Variants in SNTG2 observed in about 807,000 individuals in gnomAD.
The protein encoded by SNTG2 is gamma-2-syntrophin.
A neutral mutation model predicts 70.9 loss-of-function variants in SNTG2; 74 were observed. That is an observed-to-expected ratio of 1.04 (90% confidence interval 0.86 to 1.27). SNTG2 has a LOEUF of 1.27. Ranked by LOEUF, SNTG2 falls within the 50% of genes most tolerant of loss-of-function variation. The probability of loss-of-function intolerance (pLI) is 0.00; values close to 1 mark genes in which losing one functional copy is unlikely to be tolerated. For synonymous variants in SNTG2, 278 were observed against 273.8 expected, an observed-to-expected ratio of 1.02 and a Z score of -0.15; for missense variants, 717 against 690.7, an observed-to-expected ratio of 1.04 and a Z score of -0.43.
intron 1 of SNTG2, among the ~76,000 whole-genome samples, chr2:1,034,427 A>G (rs4971339): frequency 0.44 from 66,532 of 152,130 alleles, 15,652 homozygotes; most frequent in African/African-American, 0.61. Flanking sequence ...GCATGCATAC[A>G]TCTTTCTTTA....
At chr2:1,284,190 G>A (rs1034418683) in intron 14 of SNTG2, among the ~76,000 whole-genome samples, 5 of 152,184 alleles carry the variant, frequency 3.3e-5, no homozygotes, top group Non-Finnish European at 7.4e-5. Flanking sequence ...TGGTGGTAAT[G>A]TTTCTATTTC....
chr2:1,048,529 T>C (rs1435630240), intron 1 of SNTG2, among the ~76,000 whole-genome samples: 1 of 152,226 alleles, frequency 6.6e-6, no homozygotes, highest in Non-Finnish European at 1.5e-5. Context: ...TTGCACTTTG[T>C]ATATTGTATT....
chr2:1,101,116 A>G lies in SNTG2; in HGVS notation c.325+2706A>G, dbSNP rs549064286. On this transcript the variant is annotated intron_variant, in intron 4 of 16. Transcript: ENST00000308624. ...GCTTCACAAGTAACTCCAGTGTGGT[A>G]GCCCCAGTGGGAGGTCCCCACGCTC... 3.3e-5 allele frequency among the ~76,000 whole-genome samples: 5 copies of G among 152,324 alleles called. No homozygotes were observed. In the South Asian group the frequency reaches 1.0e-3, roughly 32 times the overall value.
intron 1 of SNTG2, among the ~76,000 whole-genome samples, chr2:998,994 G>C (rs1042857182): frequency 6.6e-6 from 1 of 152,070 alleles, no homozygotes; most frequent in Non-Finnish European, 1.5e-5. Context: ...TCTACTTTCA[G>C]GCTTCTTAAT....
At chr2:1,140,310 G>A (rs1258753179) in intron 6 of SNTG2, among the ~76,000 whole-genome samples, 1 of 152,222 alleles carries the variant, frequency 6.6e-6, no homozygotes, top group Non-Finnish European at 1.5e-5. Context: ...GTACATCTAT[G>A]CATTTTCATC....
chr2:968,725 T>C (rs1169584360), intron 1 of SNTG2, among the ~76,000 whole-genome samples: 1 of 152,212 alleles, frequency 6.6e-6, no homozygotes, highest in Non-Finnish European at 1.5e-5. Flanking sequence ...TATTTCTTTT[T>C]TGCTTATTGA....
At chr2:1,169,684 C>G (rs1670993339) in intron 7 of SNTG2, among the ~76,000 whole-genome samples, 2 of 152,160 alleles carry the variant, frequency 1.3e-5, no homozygotes, top group African/African-American at 4.8e-5. Flanking sequence ...TTGCCAGTCA[C>G]ATAGTGACTT....
chr2:1,366,676 G>T (rs1558236341), intron 16 of SNTG2, among the ~76,000 whole-genome samples: 1 of 152,142 alleles, frequency 6.6e-6, no homozygotes, highest in Non-Finnish European at 1.5e-5. Context: ...TTCCCGCCGT[G>T]CTGTGCACAC....
intron 7 of SNTG2, among the ~76,000 whole-genome samples, chr2:1,168,212 G>A (rs983209660): frequency 1.6e-4 from 18 of 114,318 alleles, no homozygotes; most frequent in African/African-American, 4.8e-4. Flanking sequence ...CAGAACTGAA[G>A]CCTACAGGCC....
chr2:1,091,721 T>C (rs1392244196), intron 2 of SNTG2, among the ~76,000 whole-genome samples: 1 of 152,216 alleles, frequency 6.6e-6, no homozygotes, highest in African/African-American at 2.4e-5. Flanking sequence ...TACTATGGAA[T>C]CATTGAATTT....
intron 2 of SNTG2, among the ~76,000 whole-genome samples, chr2:1,093,414 A>G (rs1465064315): frequency 6.6e-6 from 1 of 152,188 alleles, no homozygotes; most frequent in African/African-American, 2.4e-5. Flanking sequence ...GAGGCAGGAT[A>G]ACTTCAGCCA....
chr2:1,255,376 A>G (rs1677992126), intron 12 of SNTG2, among the ~76,000 whole-genome samples: 2 of 152,084 alleles, frequency 1.3e-5, no homozygotes, highest in Admixed American at 6.5e-5. Context: ...AAGAACACCA[A>G]TGTACCTATG....
At chr2:1,363,631 A>G (rs1661319370) in intron 16 of SNTG2, among the ~76,000 whole-genome samples, 1 of 152,230 alleles carries the variant, frequency 6.6e-6, no homozygotes, top group Non-Finnish European at 1.5e-5. Context: ...GGGTGTCCCC[A>G]GCTTAGAACT....
intron 16 of SNTG2, among the ~76,000 whole-genome samples, chr2:1,363,232 G>A (rs1453206738): frequency 2.6e-5 from 4 of 151,512 alleles, no homozygotes; most frequent in Non-Finnish European, 5.9e-5. Context: ...CTGCAACCTT[G>A]TGCAAAGACA....
At chr2:1,120,996 T>G in intron 4 of SNTG2, among the ~76,000 whole-genome samples, 1 of 151,804 alleles carries the variant, frequency 6.6e-6, no homozygotes, top group East Asian at 1.9e-4. Flanking sequence ...GGATAGACCA[T>G]ATATTAGGCC....
chr2:1,209,757 G>A (rs934583096), intron 9 of SNTG2, among the ~76,000 whole-genome samples: 6 of 152,228 alleles, frequency 3.9e-5, no homozygotes, highest in Non-Finnish European at 7.3e-5. Context: ...GTAGAAAAAT[G>A]TATGCTTGGC....
At chr2:1,018,503 G>T (rs1468375597) in intron 1 of SNTG2, among the ~76,000 whole-genome samples, 1 of 152,124 alleles carries the variant, frequency 6.6e-6, no homozygotes, top group African/African-American at 2.4e-5. Context: ...GACTGGGTAG[G>T]TGGAGGCTGT....
chr2:1,008,437 A>T (rs551855135), intron 1 of SNTG2, among the ~76,000 whole-genome samples: 2 of 152,316 alleles, frequency 1.3e-5, no homozygotes, highest in African/African-American at 4.8e-5. Context: ...AGATGCGCAA[A>T]AAAGGGATGT....
At chr2:1,301,346 G>A (rs1680448860) in intron 14 of SNTG2, among the ~76,000 whole-genome samples, 1 of 152,120 alleles carries the variant, frequency 6.6e-6, no homozygotes, top group East Asian at 1.9e-4. Context: ...CCTCCAGGGG[G>A]ACCTGCAGGA....
Sources: allele counts gnomAD v4.1 joint callset (sites outside exome capture counted in the v4.1 genomes callset), GRCh38; gene constraint gnomAD v4.1.1; transcripts MANE v1.5; gene names NCBI Gene and HGNC (gene_info 2026-07-23, HGNC 2026-07-21).